The following APOB variants were observed in gnomAD, a reference collection of about 807,000 sequenced individuals.
The protein encoded by APOB is apolipoprotein B.
Under a neutral mutation model 314.1 loss-of-function variants are expected in APOB, and 153 were observed. That is an observed-to-expected ratio of 0.49 (90% CI 0.43 to 0.56). The LOEUF (loss-of-function observed/expected upper bound fraction) is 0.56, where lower values mean the gene tolerates loss of function less well. APOB is among the 20% of genes least tolerant of loss of function. APOB has a pLI of 0.00. For synonymous variants in APOB, 2,087 were observed against 2,036.4 expected, an observed-to-expected ratio of 1.02 and a Z score of -0.67; for missense variants, 5,430 against 5,350.7, an observed-to-expected ratio of 1.01 and a Z score of -0.46.
chr2:21,008,889 G>A lies in APOB; in HGVS notation c.7979C>T (p.Ser2660Phe), dbSNP rs1408828737. Residue 2660 changes from serine (S) to phenylalanine (F), a missense_variant, in exon 26 of 29, where the codon TCC (serine) becomes TTC (phenylalanine). Coordinates refer to ENST00000233242, the MANE Select transcript of APOB (RefSeq NM_000384.3). Reference protein sequence around the residue: ...FTILNTFHIPSFTIDFVEMKV... With the variant: ...FTILNTFHIPFFTIDFVEMKV... ...CATTTCTACAAAGTCAATTGTAAAG[G>A]AAGGAATGTGGAAGGTGTTAAGGAT... 3.1e-6 allele frequency: 5 copies of A among 1,613,912 alleles called. No individual in the cohort carries two copies. The Admixed American group carries it at 6.7e-5, about 22-fold the overall frequency.
chr2:21,028,460 T>A lies in APOB; in HGVS notation c.1696A>T (p.Met566Leu). ...DKRLAAYLML[M>L]RSPSQADINK... ...ATATCTGCCTGTGAAGGACTCCTCA[T>A]CAACATAAGATAGGCAGCCAGTCGC... Residue 566 changes from methionine (M) to leucine (L), a missense_variant, in exon 13 of 29, where the codon ATG becomes TTG. Around this residue, in one of 3 missense-constraint regions of APOB, gnomAD observed 2,085 missense variants for 2,079.7 expected, o/e 1.00. Transcript: ENST00000233242. 1 of 1,614,094 alleles carries A rather than the reference T, an allele frequency of 6.2e-7. No homozygotes were observed. Among genetic ancestry groups the A allele is most frequent in the Non-Finnish European group, 8.5e-7 (1 of 1,179,996 alleles).
Position 21,015,559 on chromosome 2 carries a change from A to T in APOB, c.3333-14T>A, listed in dbSNP as rs755979093. 1 of 1,610,122 alleles carries T rather than the reference A, an allele frequency of 6.2e-7. No homozygotes were observed. Among genetic ancestry groups the T allele is most frequent in the Admixed American group, 1.7e-5 (1 of 59,990 alleles). Reference sequence around the variant, plus strand: ...TTTGTGTCACAACTATGGTAAAGAAAATCAGTTGGCACCAATGATTTTGTC... The same window carrying T: ...TTTGTGTCACAACTATGGTAAAGAATATCAGTTGGCACCAATGATTTTGTC... On this transcript the variant is annotated splice_polypyrimidine_tract_variant and intron_variant, in intron 21 of 28. Transcript: ENST00000233242.
chr2:21,042,337 C>A (rs776641472), intron 3 of APOB, 24 bp downstream of exon 3: 4 of 1,577,976 alleles, frequency 2.5e-6, no homozygotes, highest in Non-Finnish European at 2.6e-6. Flanking sequence ...GGCTCTAGGT[C>A]CCTCCTGCCT....
chr2:21,002,727 T>C lies in APOB; in HGVS notation c.12695A>G (p.Tyr4232Cys), dbSNP rs767269509. Residue 4232 changes from tyrosine to cysteine, a missense_variant, in exon 29 of 29, where the codon TAT becomes TGT. Tyr to Cys is a radical substitution (Grantham distance 194). Transcript: ENST00000233242. ...REVGTVLSQV[Y>C]SKVHNGSEIL... is the part of the protein sequence containing the mutation. ...TTCTGAACCATTATGGACTTTCGAA[T>C]ATACCTGGGACAGTACCGTCCCTAC... The C allele has an allele frequency of 8.1e-6, 13 of 1,613,328 alleles. No individual in the cohort carries two copies. The Admixed American group carries it at 2.0e-4, about 25-fold the overall frequency.
chr2:21,011,020 T>C lies in APOB; in HGVS notation c.5848A>G (p.Thr1950Ala), dbSNP rs1663301144. ...FTFSHDYKGS[T>A]SHHLVSRKSI... ...TTCCTAGACACGAGATGATGACTTG[T>C]GGAGCCTTTGTAATCATGAGAGAAA... The change falls in exon 26 of 29, where the codon ACA (threonine) becomes GCA (alanine). Residue 1950 changes from threonine (T) to alanine (A), a missense_variant. Physicochemically the swap from Thr to Ala is moderately conservative, Grantham distance 58. Transcript: ENST00000233242. The C allele has an allele frequency of 6.2e-7, 1 of 1,614,164 alleles. No individual in the cohort carries two copies. The highest frequency in any genetic ancestry group is 1.7e-5 in the Admixed American group (1 of 60,022).
intron 12 of APOB, among the ~76,000 whole-genome samples, chr2:21,028,920 T>G (rs1663809117): frequency 6.6e-6 from 1 of 152,190 alleles, no homozygotes; most frequent in Non-Finnish European, 1.5e-5. Flanking sequence ...GTTTCCAAAG[T>G]TCTGGAGTCT....
intron 14 of APOB, 78 bp from the exon 15 acceptor site, chr2:21,027,042 G>A (rs1663747084): frequency 7.6e-7 from 1 of 1,321,192 alleles, no homozygotes; most frequent in Non-Finnish European, 1.1e-6. Flanking sequence ...CACTCTTGAT[G>A]TCCATTTATC....
chr2:21,008,097 G>A lies in APOB; in HGVS notation c.8771C>T (p.Ser2924Phe), dbSNP rs1252586210. 1 of 1,614,060 alleles carries A rather than the reference G, an allele frequency of 6.2e-7. No individual in the cohort carries two copies. The highest frequency in any genetic ancestry group is 8.5e-7 in the Non-Finnish European group (1 of 1,179,984). ...LKAGHIAWTS[S>F]GKGSWKWACP... ...GGCCCATTTCCATGACCCTTTTCCA[G>A]AAGAAGTCCATGCTATGTGGCCAGC... Residue 2924 changes from serine to phenylalanine, a missense_variant, in exon 26 of 29, where the codon TCT (serine) becomes TTT (phenylalanine). Transcript: ENST00000233242.
chr2:21,024,662 G>A, intron 16 of APOB: 1 of 600,802 alleles, frequency 1.7e-6, no homozygotes, highest in South Asian at 2.2e-5. Flanking sequence ...AGCAAAGGTA[G>A]AGGAAGGTAT....
At chr2:21,030,248 A>G (rs547717590) in intron 10 of APOB, among the ~76,000 whole-genome samples, 1 of 152,260 alleles carries the variant, frequency 6.6e-6, no homozygotes, top group Non-Finnish European at 1.5e-5. Flanking sequence ...TGGCATAAAA[A>G]TAGACACATA....
intron 13 of APOB, 62 bp from the exon 14 acceptor site, chr2:21,028,127 C>A: frequency 3.1e-6 from 4 of 1,293,376 alleles, no homozygotes; most frequent in Non-Finnish European, 4.5e-6. Context: ...GACTCTTGCA[C>A]CCCAAGTAAA....
chr2:21,039,714 A>C (rs547426536), intron 4 of APOB, among the ~76,000 whole-genome samples: 1 of 152,326 alleles, frequency 6.6e-6, no homozygotes, highest in South Asian at 2.1e-4. Context: ...AGATGCAAAC[A>C]TGGAAAGCCC....
chr2:21,027,306 A>AATT (rs763207875), intron 14 of APOB, among the ~76,000 whole-genome samples: 19 of 105,876 alleles, frequency 1.8e-4, no homozygotes, highest in Non-Finnish European at 3.2e-4. Flanking sequence ...TTGCATTTCA[A>AATT]TTTTTTTTTT....
At chr2:21,014,304 CAGTGTTTGTGCTATAG>C in intron 24 of APOB, 128 bp downstream of exon 24, 1 of 916,258 alleles carries the variant, frequency 1.1e-6, no homozygotes, top group Non-Finnish European at 1.6e-6. Context: ...AAAGATGCCA[CAGTGTTTGTGCTATAG>C]TTATTAATCT....
chr2:21,034,729 C>T (rs1007093221), intron 8 of APOB, 87 bp downstream of exon 8: 1 of 815,848 alleles, frequency 1.2e-6, no homozygotes, highest in Non-Finnish European at 2.2e-6. Context: ...AGTCAGCAGA[C>T]ATTTAACAGG....
Position 21,011,405 on chromosome 2 carries a change from C to A in APOB, c.5463G>T (p.Leu1821=), listed in dbSNP as rs752980192. Residue 1821 remains leucine (L), a synonymous_variant, in exon 26 of 29, where the codon CTG becomes CTT. Transcript: ENST00000233242. ...CTCCTTTTAGGTTACCAGCCACATG[C>A]AGCTTCAGGGGTTCTAGCCGTAGTT... ...NGKLRLEPLK[L]HVAGNLKGAY... is the part of the protein sequence containing the mutation. 9.3e-6 allele frequency: 15 copies of A among 1,613,994 alleles called. No homozygotes were observed. In the South Asian group the frequency reaches 1.6e-4, roughly 18 times the overall value.
rs144106662 is a variant in APOB, at chr2:21,007,064, C to G, written c.9804G>C (p.Ser3268=). The change falls in exon 26 of 29, where the codon TCG becomes TCC. Residue 3268 remains serine, a synonymous_variant. Coordinates refer to ENST00000233242, the MANE Select transcript of APOB (RefSeq NM_000384.3). ...CTTTTGGGAACACATAGCCGAATGCCGACATCTCTATGGTGAATGGAGACA... is the reference window on the plus strand; with the variant it reads ...CTTTTGGGAACACATAGCCGAATGCGGACATCTCTATGGTGAATGGAGACA... ...VEVSPFTIEM[S]AFGYVFPKAV... 1.2e-6 allele frequency: 2 copies of G among 1,613,932 alleles called. No homozygotes were observed. Among genetic ancestry groups the G allele is most frequent in the Non-Finnish European group, 1.7e-6 (2 of 1,179,924 alleles).
chr2:21,012,631 C>A lies in APOB; in HGVS notation c.4237G>T (p.Asp1413Tyr). The A allele has an allele frequency of 6.2e-7, 1 of 1,612,542 alleles. No homozygotes were observed. The highest frequency in any genetic ancestry group is 1.1e-5 in the South Asian group (1 of 90,988). ...NVQGSGETTY[D>Y]HKNTFTLSCD... ...GATAGTGTGAACGTATTCTTGTGGT[C>A]ATATGTTGTTTCTCCAGATCCTAAC... Residue 1413 changes from aspartate (D) to tyrosine (Y), a missense_variant, in exon 26 of 29, where the codon GAC (aspartate) becomes TAC (tyrosine). Physicochemically the swap from Asp to Tyr is radical, Grantham distance 160. Around this residue, in one of 3 missense-constraint regions of APOB, gnomAD observed 2,085 missense variants for 2,079.7 expected, o/e 1.00. Transcript: ENST00000233242.
rs1663355204 is a variant in APOB, at chr2:21,012,538, C to T, written c.4330G>A (p.Gly1444Arg). ...NIKFSHVEKL[G>R]NNPVSKGLLI... ...AAACCTTTTGAGACTGGGTTGTTTC[C>T]AAGTTTTTCTACATGACTGAATTTG... Residue 1444 changes from glycine (G) to arginine (R), a missense_variant, in exon 26 of 29, where the codon GGA becomes AGA. By Grantham distance (125) the Gly-to-Arg change is moderately radical (BLOSUM62 -2). Around this residue, in one of 3 missense-constraint regions of APOB, gnomAD observed 2,085 missense variants for 2,079.7 expected, o/e 1.00. Transcript: ENST00000233242. 6.2e-7 allele frequency: 1 copy of T among 1,614,026 alleles called. No homozygotes were observed. The highest frequency in any genetic ancestry group is 1.1e-5 in the South Asian group (1 of 91,092).
Sources: gnomAD v4.1 joint callset for allele counts (sites outside exome capture counted in the v4.1 genomes callset) on GRCh38, gnomAD v4.1.1 for gene constraint, gnomAD v4.1.1 regional missense constraint, MANE v1.5 for transcripts, NCBI Gene and HGNC (gene_info 2026-07-23, HGNC 2026-07-21) for gene names.